The following GCNT2 variants were observed in gnomAD, a reference collection of about 807,000 sequenced individuals.
GCNT2 encodes the protein glucosaminyl (N-acetyl) transferase 2 (I blood group), also known as N-acetyllactosaminide beta-1,6-N-acetylglucosaminyl-transferase.
In GCNT2, 34 loss-of-function variants were observed where a neutral mutation model predicts 34.2. The observed-to-expected ratio is 1.00, with a 90% confidence interval of 0.76 to 1.32. The LOEUF (loss-of-function observed/expected upper bound fraction) is 1.32. Among genes scored for constraint, GCNT2 ranks in the 40% most tolerant of loss-of-function variants. GCNT2 has a pLI of 0.00. For missense variants in GCNT2, 584 were observed against 489.4 expected (o/e 1.19, Z -1.82); for synonymous variants, 212 against 188.0 (o/e 1.13, Z -1.04).
At chr6:10,556,269 ACT>A (rs1373839053) in intron 3 of GCNT2, 11 of 1,485,526 alleles carry the variant, frequency 7.4e-6, no homozygotes, top group African/African-American at 5.6e-5. Flanking sequence ...CAGCAGCTGG[ACT>A]CTCGGGATGA....
chr6:10,587,656 A>C (rs1357991951), intron 3 of GCNT2, among the ~76,000 whole-genome samples: 2 of 152,136 alleles, frequency 1.3e-5, no homozygotes, highest in African/African-American at 4.8e-5. Flanking sequence ...GTTTATGATA[A>C]TTTGGGAAAG....
At chr6:10,543,321 T>G (rs1561788519) in intron 3 of GCNT2, among the ~76,000 whole-genome samples, 1 of 152,158 alleles carries the variant, frequency 6.6e-6, no homozygotes, top group East Asian at 1.9e-4. Context: ...CCCAAGTAGC[T>G]GGGACTACGG....
chr6:10,543,921 T>A (rs1762149107), intron 3 of GCNT2, among the ~76,000 whole-genome samples: 1 of 152,196 alleles, frequency 6.6e-6, no homozygotes. Flanking sequence ...TGAAATTGTC[T>A]GACATTGAAT....
At chr6:10,524,289 T>G (rs550532773) in intron 1 of GCNT2, among the ~76,000 whole-genome samples, 1 of 151,466 alleles carries the variant, frequency 6.6e-6, no homozygotes, top group African/African-American at 2.4e-5. Flanking sequence ...TCGCTCTTGT[T>G]GCCTGGGCTG....
chr6:10,559,823 T>G (rs377375084), intron 3 of GCNT2, among the ~76,000 whole-genome samples: 30 of 152,238 alleles, frequency 2.0e-4, no homozygotes, highest in African/African-American at 6.5e-4. Context: ...TTTCTTTCCT[T>G]TCTTAGACTC....
At chr6:10,554,675 A>G (rs1762615769) in intron 3 of GCNT2, among the ~76,000 whole-genome samples, 1 of 152,246 alleles carries the variant, frequency 6.6e-6, no homozygotes, top group Admixed American at 6.5e-5. Context: ...TCAGAAGAAG[A>G]AAAACTTAGG....
rs543444886 is a variant in GCNT2, at chr6:10,617,243, AGCAGCTGCTGGC to A, written c.926-4103_926-4092del. Among the ~76,000 whole-genome samples, 39 of 152,294 alleles carry A rather than the reference AGCAGCTGCTGGC, an allele frequency of 2.6e-4. 1 individual carries two copies. The South Asian group carries it at 7.9e-3, about 31-fold the overall frequency. ...TAAGGCCCAGCGAGAAATCCAGCAC[AGCAGCTGCTGGC>A]GCAGGTGCTAAGCCCCTCACTGCCC... On this transcript the variant is annotated intron_variant, in intron 3 of 4. Coordinates refer to ENST00000495262, the MANE Select transcript of GCNT2 (RefSeq NM_145649.5).
intron 3 of GCNT2, chr6:10,556,592 C>T (rs750703865): frequency 6.2e-7 from 1 of 1,614,146 alleles, no homozygotes; most frequent in Non-Finnish European, 8.5e-7. Flanking sequence ...TGGAAAAACA[C>T]GTTTCCTGTG....
chr6:10,582,768 ATGAGGGTCAGAAGTGTTGGATAT>A lies in GCNT2; in HGVS notation c.926-38581_926-38559del, dbSNP rs1764180522. Reference sequence around the variant, plus strand: ...ACAGAAATCAAAATATCAGTTCATTATGAGGGTCAGAAGTGTTGGATATTTTCCAAAAGAGAAACAACAACAAC... The same window carrying A: ...ACAGAAATCAAAATATCAGTTCATTATTTCCAAAAGAGAAACAACAACAAC... On this transcript the variant is annotated intron_variant, in intron 3 of 4. Coordinates refer to ENST00000495262, the MANE Select transcript of GCNT2 (RefSeq NM_145649.5). Among the ~76,000 whole-genome samples, 3 of 150,916 alleles carry A rather than the reference ATGAGGGTCAGAAGTGTTGGATAT, an allele frequency of 2.0e-5. No homozygotes were observed. In the South Asian group the frequency reaches 6.2e-4, roughly 31 times the overall value.
At chr6:10,623,316 G>A (rs1468476522) in intron 4 of GCNT2, among the ~76,000 whole-genome samples, 1 of 149,038 alleles carries the variant, frequency 6.7e-6, no homozygotes, top group Non-Finnish European at 1.5e-5. Flanking sequence ...TTGAGATGGA[G>A]TTTCACTCTT....
intron 3 of GCNT2, among the ~76,000 whole-genome samples, chr6:10,617,362 C>T (rs530245045): frequency 5.9e-4 from 90 of 152,322 alleles, no homozygotes; most frequent in South Asian, 3.3e-3. Flanking sequence ...GGCCGGCAAG[C>T]GCTGCGCGCA....
chr6:10,524,437 A>G (rs536023750), intron 1 of GCNT2, among the ~76,000 whole-genome samples: 42 of 152,044 alleles, frequency 2.8e-4, no homozygotes, highest in African/African-American at 9.6e-4. Context: ...TTTTCAGTAG[A>G]GACAGGGTTT....
chr6:10,602,945 G>C (rs772987547), intron 3 of GCNT2, among the ~76,000 whole-genome samples: 12 of 152,298 alleles, frequency 7.9e-5, no homozygotes, highest in South Asian at 4.1e-4. Flanking sequence ...AATCAATGCT[G>C]TACTTTTATT....
rs2127449469 is a variant in GCNT2 at position 10,628,531 on chromosome 6, G to C, written c.*1924G>C. ...AAACCTGTCACTTGCACAGAGGCCA[G>C]TCCCACTAAGGTGACCAGAGTGGGC... On this transcript the variant is annotated 3_prime_UTR_variant, in exon 5 of 5. Coordinates refer to ENST00000495262, the MANE Select transcript of GCNT2 (RefSeq NM_145649.5). 1.3e-5 allele frequency: 2 copies of C among 152,368 alleles called. 1 individual carries two copies. The highest frequency in any genetic ancestry group is 3.9e-4 in the East Asian group (2 of 5,184). The allele number at this position is 152,368 out of a possible 1,614,324, so 9.4% of individuals were successfully genotyped here. A position where few individuals can be genotyped will look rare whatever the true frequency, so the allele number is the denominator to read the frequency against.
chr6:10,575,958 T>C (rs1031238164), intron 3 of GCNT2, among the ~76,000 whole-genome samples: 5 of 152,064 alleles, frequency 3.3e-5, no homozygotes, highest in African/African-American at 1.2e-4. Context: ...TTGCTGACTC[T>C]CTTTTCAGAC....
intron 3 of GCNT2, chr6:10,586,518 C>T (rs765922701): frequency 6.2e-7 from 1 of 1,614,154 alleles, no homozygotes; most frequent in South Asian, 1.1e-5. Flanking sequence ...TCTGAAAGAC[C>T]TTGTCGCCTC....
In GCNT2 at chr6:10,557,542, C is replaced by T. The variant is rs146399589; in HGVS notation, c.925+27706C>T. Among the ~76,000 whole-genome samples, 30 of 151,642 alleles carry T rather than the reference C, an allele frequency of 2.0e-4. No homozygotes were observed. In the East Asian group the frequency reaches 5.1e-3, roughly 26 times the overall value. ...TCACTCTGTGGCCCAGGCTGGAGTG[C>T]AGGGGCAACATCATGGCTCACTGAA... On this transcript the variant is annotated intron_variant, in intron 3 of 4. Coordinates refer to ENST00000495262, the MANE Select transcript of GCNT2 (RefSeq NM_145649.5).
chr6:10,625,473 C>T (rs368954295), intron 4 of GCNT2, among the ~76,000 whole-genome samples: 2 of 151,872 alleles, frequency 1.3e-5, no homozygotes, highest in African/African-American at 4.8e-5. Context: ...CCCAACAAAA[C>T]CCCCTCTCCC....
At chr6:10,575,518 C>T (rs947249107) in intron 3 of GCNT2, among the ~76,000 whole-genome samples, 8 of 152,140 alleles carry the variant, frequency 5.3e-5, no homozygotes, top group East Asian at 1.9e-4. Context: ...CCTGCCACCA[C>T]GCCCAGCTAA....
Sources: gnomAD v4.1 joint callset for allele counts (sites outside exome capture counted in the v4.1 genomes callset) on GRCh38, gnomAD v4.1.1 for gene constraint, MANE v1.5 for transcripts, NCBI Gene and HGNC (gene_info 2026-07-23, HGNC 2026-07-21) for gene names.